SHC3: variants seen among roughly 807,000 people sequenced by gnomAD.
SHC3 encodes the protein SHC-transforming protein 3.
A neutral mutation model predicts 60.4 loss-of-function variants in SHC3; 15 were observed. The ratio of observed to expected loss-of-function variants is 0.25; its 90% CI spans 0.17 to 0.38. SHC3 has a LOEUF of 0.38. SHC3 is among the 10% of genes least tolerant of loss of function. The pLI, the probability that SHC3 is intolerant of heterozygous loss-of-function variation, is 1.00. For synonymous variants in SHC3, 294 were observed against 325.9 expected (o/e 0.90, Z 1.05); for missense variants, 677 against 786.1 (o/e 0.86, Z 1.66).
intron 1 of SHC3, among the ~76,000 whole-genome samples, chr9:89,147,967 A>G (rs1015724403): frequency 6.6e-6 from 1 of 152,164 alleles, no homozygotes; most frequent in Admixed American, 6.5e-5. Flanking sequence ...AAGGCCTCAC[A>G]TGTAATGGGT....
At chr9:89,030,901 T>C (rs1824475929) in intron 11 of SHC3, among the ~76,000 whole-genome samples, 1 of 152,234 alleles carries the variant, frequency 6.6e-6, no homozygotes. Flanking sequence ...CTTGTTCCTC[T>C]GTCCCCTGTA....
chr9:89,149,107 G>T (rs1306284881), intron 1 of SHC3, among the ~76,000 whole-genome samples: 1 of 152,158 alleles, frequency 6.6e-6, no homozygotes, highest in Non-Finnish European at 1.5e-5. Context: ...AAGTGGCATC[G>T]CTGTGTGCAT....
intron 11 of SHC3, among the ~76,000 whole-genome samples, chr9:89,026,909 G>A (rs756041199): frequency 7.9e-5 from 12 of 152,282 alleles, no homozygotes; most frequent in African/African-American, 1.4e-4. Flanking sequence ...GTCTTCCCTG[G>A]CCCTATTGCT....
chr9:89,098,560 G>A (rs532148485), intron 2 of SHC3, among the ~76,000 whole-genome samples: 1 of 152,304 alleles, frequency 6.6e-6, no homozygotes, highest in East Asian at 1.9e-4. Flanking sequence ...TGTAATCCCA[G>A]CACTTTGGGA....
At chr9:89,174,910 A>T (rs1013768542) in intron 1 of SHC3, among the ~76,000 whole-genome samples, 1 of 152,208 alleles carries the variant, frequency 6.6e-6, no homozygotes, top group Non-Finnish European at 1.5e-5. Flanking sequence ...GAGGACAGAG[A>T]AGGTGGAGGA....
At chr9:89,146,011 C>G (rs1826463031) in intron 1 of SHC3, among the ~76,000 whole-genome samples, 1 of 152,074 alleles carries the variant, frequency 6.6e-6, no homozygotes. Flanking sequence ...CCTCAAAATT[C>G]TGAGGGAAAA....
chr9:89,131,155 T>G (rs1826238718), intron 1 of SHC3, among the ~76,000 whole-genome samples: 1 of 152,102 alleles, frequency 6.6e-6, no homozygotes, highest in Admixed American at 6.6e-5. Flanking sequence ...CTAAAAAATC[T>G]AGGAGAAATT....
In SHC3 at chr9:89,012,744, C is replaced by T. The variant is rs1275520718; in HGVS notation, c.*703G>A. On this transcript the variant is annotated 3_prime_UTR_variant, in exon 12 of 12. Transcript: ENST00000375835. ...AATGAATTCCCAAGTACTCCTCGCA[C>T]AACTGGGGTCAAGGGTGGCGGGGCC... The T allele has an allele frequency of 3.3e-5, 5 of 152,196 alleles. No individual in the cohort carries two copies. The highest frequency in any genetic ancestry group is 5.9e-5 in the Non-Finnish European group (4 of 68,046). 9.4% of individuals were successfully genotyped at this position (152,196 alleles called of 1,614,324 possible). A position where few individuals can be genotyped will look rare whatever the true frequency, so the allele number is the denominator to read the frequency against.
At chr9:89,069,095 G>C (rs558265037) in intron 5 of SHC3, among the ~76,000 whole-genome samples, 4 of 152,190 alleles carry the variant, frequency 2.6e-5, no homozygotes, top group Admixed American at 1.3e-4. Context: ...GACCACTTAA[G>C]CCCAGAGTTT....
intron 1 of SHC3, among the ~76,000 whole-genome samples, chr9:89,166,377 A>G (rs1826789730): frequency 6.6e-6 from 1 of 152,242 alleles, no homozygotes; most frequent in Non-Finnish European, 1.5e-5. Flanking sequence ...TACCCGTTGA[A>G]TAAAACAATT....
chr9:89,160,434 G>A (rs1031623748), intron 1 of SHC3, among the ~76,000 whole-genome samples: 15 of 151,854 alleles, frequency 9.9e-5, no homozygotes, highest in South Asian at 2.1e-4. Flanking sequence ...TTTTTTCCCC[G>A]TTCAACTGAA....
chr9:89,031,857 T>C (rs991350355), intron 11 of SHC3, among the ~76,000 whole-genome samples: 2 of 152,192 alleles, frequency 1.3e-5, no homozygotes, highest in African/African-American at 4.8e-5. Context: ...GGCTCTTGGA[T>C]CAAATGCTCC....
At chr9:89,072,650 A>G (rs1256907148) in intron 4 of SHC3, among the ~76,000 whole-genome samples, 1 of 152,246 alleles carries the variant, frequency 6.6e-6, no homozygotes, top group Non-Finnish European at 1.5e-5. Flanking sequence ...AAAAAGCTAC[A>G]TAAGTCTTCC....
chr9:89,115,006 A>T lies in SHC3; in HGVS notation c.475-2380T>A, dbSNP rs556621757. Among the ~76,000 whole-genome samples the T allele has an allele frequency of 1.2e-3, 186 of 152,310 alleles. 1 individual carries two copies. Among genetic ancestry groups the T allele is most frequent in the African/African-American group, 4.1e-3 (169 of 41,570 alleles). On this transcript the variant is annotated intron_variant, in intron 1 of 11. Transcript: ENST00000375835. ...ACACAGTTATGGGAATACCAACAAC[A>T]CTACTGTCACAGGGTTATGTGACTC...
At chr9:89,034,450 C>T (rs1246451438) in intron 11 of SHC3, among the ~76,000 whole-genome samples, 1 of 152,176 alleles carries the variant, frequency 6.6e-6, no homozygotes. Flanking sequence ...GGACACTCTC[C>T]CCTGGTCAGC....
chr9:89,074,691 C>CAAAAAAAAAAAAAAAA (rs68051828), intron 4 of SHC3, among the ~76,000 whole-genome samples: 2 of 59,926 alleles, frequency 3.3e-5, no homozygotes, highest in East Asian at 6.1e-4. Flanking sequence ...GCCACTAAAG[C>CAAAAAAAAAAAAAAAA]AAAAAAAAAA....
chr9:89,013,668 G>A lies in SHC3; in HGVS notation c.1657-93C>T, dbSNP rs1051127789. On this transcript the variant is annotated intron_variant, in intron 11 of 11. Coordinates refer to ENST00000375835, the MANE Select transcript of SHC3 (RefSeq NM_016848.6). ...AGAATCAGCCAGACCATCTGAACTG[G>A]CCCAGAAGGAAAGGAGGGGGGGACA... 8.7e-6 allele frequency: 13 copies of A among 1,490,750 alleles called. No homozygotes were observed. The African/African-American group carries it at 1.4e-4, about 16-fold the overall frequency. The allele number at this position is 1,490,750 out of a possible 1,614,324, so 92.3% of individuals were successfully genotyped here.
chr9:89,165,094 C>T (rs1045902833), intron 1 of SHC3, among the ~76,000 whole-genome samples: 2 of 151,990 alleles, frequency 1.3e-5, no homozygotes, highest in African/African-American at 4.8e-5. Flanking sequence ...AATTTGATTG[C>T]CAAGTGAATG....
At chr9:89,164,794 A>ATTTCTTAACT (rs1826761832) in intron 1 of SHC3, among the ~76,000 whole-genome samples, 1 of 152,200 alleles carries the variant, frequency 6.6e-6, no homozygotes, top group African/African-American at 2.4e-5. Flanking sequence ...ACTTGTAAAA[A>ATTTCTTAACT]TGTATATAAT....
Sources: allele counts gnomAD v4.1 joint callset (sites outside exome capture counted in the v4.1 genomes callset), GRCh38; gene constraint gnomAD v4.1.1; transcripts MANE v1.5; gene names NCBI Gene and HGNC (gene_info 2026-07-23, HGNC 2026-07-21).